Variants in ZNF605 observed in about 807,000 individuals in gnomAD.
ZNF605 encodes zinc finger protein 605.
ZNF605 carries 9 observed loss-of-function variants against 7.9 expected under a neutral mutation model. The ratio of observed to expected loss-of-function variants is 1.14; its 90% CI spans 0.68 to 1.98. The LOEUF is 1.98. Ranked by LOEUF, ZNF605 falls within the 30% of genes most tolerant of loss-of-function variation. The probability of loss-of-function intolerance (pLI) is 0.00; values close to 1 mark genes in which losing one functional copy is unlikely to be tolerated. For missense variants in ZNF605, 673 were observed against 762.4 expected, an observed-to-expected ratio of 0.88 and a Z score of 1.38; for synonymous variants, 255 against 260.1, an observed-to-expected ratio of 0.98 and a Z score of 0.19.
At chr12:132,952,360 T>C (rs1248555536) in intron 1 of ZNF605, among the ~76,000 whole-genome samples, 1 of 150,268 alleles carries the variant, frequency 6.7e-6, no homozygotes, top group Non-Finnish European at 1.5e-5. Flanking sequence ...ACTGGGGGCG[T>C]TGAGGCGGAA....
Position 132,921,907 on chromosome 12 carries a change from CAACTT to C in ZNF605, c.*3461_*3465del. On this transcript the variant is annotated 3_prime_UTR_variant, in exon 5 of 5. Transcript: ENST00000360187. ...GCTGGGCCTCTTTGGCAGTCGACTT[CAACTT>C]AATGCATTAGCGCCGTAAGGTTGTA... 1 of 152,302 alleles carries C rather than the reference CAACTT, an allele frequency of 6.6e-6. No homozygotes were observed. The highest frequency in any genetic ancestry group is 1.5e-5 in the Non-Finnish European group (1 of 68,030). The allele number at this position is 152,302 out of a possible 1,614,324, so 9.4% of individuals were successfully genotyped here.
At chr12:132,929,959 A>G (rs1460242935) in intron 4 of ZNF605, among the ~76,000 whole-genome samples, 1 of 152,258 alleles carries the variant, frequency 6.6e-6, no homozygotes, top group Non-Finnish European at 1.5e-5. Flanking sequence ...AAATAAATAA[A>G]TAAATATGTC....
rs1348252604 is a variant in ZNF605 at position 132,924,576 on chromosome 12, T to A, written c.*797A>T. On this transcript the variant is annotated 3_prime_UTR_variant, in exon 5 of 5. Coordinates refer to ENST00000360187, the MANE Select transcript of ZNF605 (RefSeq NM_183238.4). ...CAACTGCCAGTCCTGTCTCTTCAAT[T>A]CAGCGAGATTTATTGTTTCCCTTCC... 2 of 152,232 alleles carry A rather than the reference T, an allele frequency of 1.3e-5. No homozygotes were observed. The highest frequency in any genetic ancestry group is 2.9e-5 in the Non-Finnish European group (2 of 68,094). 9.4% of individuals were successfully genotyped at this position (152,232 alleles called of 1,614,324 possible).
Position 132,925,322 on chromosome 12 carries a change from A to G in ZNF605, c.*51T>C, listed in dbSNP as rs1341211098. 3 of 1,388,618 alleles carry G rather than the reference A, an allele frequency of 2.2e-6. No homozygotes were observed. The highest frequency in any genetic ancestry group is 2.3e-5 in the Admixed American group (1 of 44,290). 86.0% of individuals were successfully genotyped at this position (1,388,618 alleles called of 1,614,324 possible). On this transcript the variant is annotated 3_prime_UTR_variant, in exon 5 of 5. Coordinates refer to ENST00000360187, the MANE Select transcript of ZNF605 (RefSeq NM_183238.4). ...CCACATGCATCCTCAAAAGTGTCAG[A>G]AAGTATGACACTTGATAGCAACCTT...
Position 132,933,003 on chromosome 12 carries a change from C to A in ZNF605, c.136+32G>T. ...AAACACCTCACAGGCCAGTTACTGG[C>A]CATACACTAAGTTACATAAGAATGT... On this transcript the variant is annotated intron_variant, in intron 4 of 4. Transcript: ENST00000360187. The surrounding 1 kb of genome is among the most constrained non-coding windows in gnomAD (Gnocchi z 4.4). 6.4e-7 allele frequency: 1 copy of A among 1,552,080 alleles called. No individual in the cohort carries two copies. Among genetic ancestry groups the A allele is most frequent in the Non-Finnish European group, 8.7e-7 (1 of 1,147,804 alleles).
At chr12:132,954,566 A>G (rs889229998) in intron 1 of ZNF605, among the ~76,000 whole-genome samples, 9 of 147,704 alleles carry the variant, frequency 6.1e-5, no homozygotes, top group Admixed American at 2.0e-4. Flanking sequence ...CCTCCCCTGT[A>G]ACTGACATTC....
chr12:132,938,954 C>T (rs1344731398), intron 3 of ZNF605, among the ~76,000 whole-genome samples: 24 of 152,054 alleles, frequency 1.6e-4, no homozygotes, highest in Admixed American at 2.6e-4. Flanking sequence ...ACCGGCGCTG[C>T]GCTCGATTTC....
chr12:132,939,159 A>G (rs1445327673), intron 3 of ZNF605, among the ~76,000 whole-genome samples: 1 of 152,134 alleles, frequency 6.6e-6, no homozygotes, highest in Non-Finnish European at 1.5e-5. Context: ...CAGGACTGGC[A>G]GGCAGCTCCA....
At chr12:132,952,737 G>A (rs915376692) in intron 1 of ZNF605, among the ~76,000 whole-genome samples, 4 of 151,894 alleles carry the variant, frequency 2.6e-5, no homozygotes. Flanking sequence ...AAGGCCAACG[G>A]GGTCACTGAG....
At position 132,922,705 on chromosome 12, in the gene ZNF605, C is replaced by G. The variant is rs190922131; in HGVS notation, c.*2668G>C. ...ACCCAACCAGTGGGTTGGGGAAGCACCCAGTAGTAGTTAAGTCTGAAGATC... is the reference window on the plus strand; with the variant it reads ...ACCCAACCAGTGGGTTGGGGAAGCAGCCAGTAGTAGTTAAGTCTGAAGATC... On this transcript the variant is annotated 3_prime_UTR_variant, in exon 5 of 5. Transcript: ENST00000360187. 6 of 152,242 alleles carry G rather than the reference C, an allele frequency of 3.9e-5. No individual in the cohort carries two copies. The highest frequency in any genetic ancestry group is 7.4e-5 in the Non-Finnish European group (5 of 68,026). The allele number at this position is 152,242 out of a possible 1,614,324, so 9.4% of individuals were successfully genotyped here. A position where few individuals can be genotyped will look rare whatever the true frequency, so the allele number is the denominator to read the frequency against.
intron 2 of ZNF605, among the ~76,000 whole-genome samples, chr12:132,947,316 C>T (rs1467400822): frequency 6.9e-6 from 1 of 144,250 alleles, no homozygotes; most frequent in African/African-American, 2.5e-5. Context: ...CGCCCGGCCA[C>T]ATTTTTTTCT....
chr12:132,951,350 TACAC>T (rs1311757467), intron 1 of ZNF605, among the ~76,000 whole-genome samples: 3 of 144,308 alleles, frequency 2.1e-5, no homozygotes, highest in African/African-American at 7.8e-5. Context: ...CACAGACACG[TACAC>T]ACAGATACAC....
At chr12:132,932,817 A>G (rs1952321291) in intron 4 of ZNF605, 1 of 1,531,654 alleles carries the variant, frequency 6.5e-7, no homozygotes, top group African/African-American at 1.4e-5. Context: ...TGTCGATTGG[A>G]AACACAGAGG....
rs146645792 is a variant in ZNF605 at position 132,921,532 on chromosome 12, C to T, written c.*3841G>A. 3 of 152,288 alleles carry T rather than the reference C, an allele frequency of 2.0e-5. No individual in the cohort carries two copies. The East Asian group carries it at 5.8e-4, about 29-fold the overall frequency. 9.4% of individuals were successfully genotyped at this position (152,288 alleles called of 1,614,324 possible). A position where few individuals can be genotyped will look rare whatever the true frequency, so the allele number is the denominator to read the frequency against. ...TAGGAAGAGACAATCACAACTCACA[C>T]AATGCTATATTCAAATTATGCCAAA... On this transcript the variant is annotated 3_prime_UTR_variant, in exon 5 of 5. Transcript: ENST00000360187.
chr12:132,926,403 T>C lies in ZNF605; in HGVS notation c.896A>G (p.His299Arg). 1.2e-6 allele frequency: 2 copies of C among 1,614,202 alleles called. No individual in the cohort carries two copies. The highest frequency in any genetic ancestry group is 1.7e-6 in the Non-Finnish European group (2 of 1,180,034). ...AFSQKLKLIT[H>R]QRAHTGEKPY... ...TTTCTCTCCTGTGTGCGCTCTCTGA[T>C]GTGTGATGAGTTTTAATTTCTGGGA... Residue 299 changes from histidine (H) to arginine (R), a missense_variant, in exon 5 of 5, where the codon CAT becomes CGT. His to Arg is a conservative substitution (Grantham distance 29, BLOSUM62 0). Transcript: ENST00000360187.
rs1952603155 is a variant in ZNF605 at position 132,953,987 on chromosome 12, A to C, written c.-286+2256T>G. Among the ~76,000 whole-genome samples the C allele has an allele frequency of 6.6e-5, 10 of 151,846 alleles. No homozygotes were observed. The South Asian group carries it at 2.1e-3, about 32-fold the overall frequency. On this transcript the variant is annotated intron_variant, in intron 1 of 4. Coordinates refer to ENST00000360187, the MANE Select transcript of ZNF605 (RefSeq NM_183238.4). ...CACTAATACAAACAAGCTCCTTCTC[A>C]CCTGGTTCCAACACCCTCAAATAAC...
rs1952630665 is a variant in ZNF605 at position 132,955,790 on chromosome 12, G to A, written c.-286+453C>T. The stretch of plus-strand genomic sequence containing the variant: ...AAGGCATCCAAATCATTCATCAGCA[G>A]AGTCCTAATCGCTGCAGACAAATCC... On this transcript the variant is annotated intron_variant, in intron 1 of 4. Coordinates refer to ENST00000360187, the MANE Select transcript of ZNF605 (RefSeq NM_183238.4). 2.0e-5 allele frequency among the ~76,000 whole-genome samples: 3 copies of A among 152,134 alleles called. No homozygotes were observed. The South Asian group carries it at 6.2e-4, about 32-fold the overall frequency.
chr12:132,952,798 G>A (rs887240947), intron 1 of ZNF605, among the ~76,000 whole-genome samples: 4 of 152,118 alleles, frequency 2.6e-5, no homozygotes, highest in East Asian at 1.9e-4. Flanking sequence ...ACTGATCAGC[G>A]GTCACAAGCT....
At position 132,925,135 on chromosome 12, in the gene ZNF605, C is replaced by A; in HGVS notation, c.*238G>T. The A allele has an allele frequency of 2.5e-6, 1 of 402,562 alleles. No individual in the cohort carries two copies. The highest frequency in any genetic ancestry group is 4.4e-6 in the Non-Finnish European group (1 of 227,534). The allele number at this position is 402,562 out of a possible 1,614,324, so 24.9% of individuals were successfully genotyped here. ...ATCACAACACTAATAAGGTTTTCAC[C>A]TCAATGAGTCATCCAATATGTAACG... On this transcript the variant is annotated 3_prime_UTR_variant, in exon 5 of 5. Coordinates refer to ENST00000360187, the MANE Select transcript of ZNF605 (RefSeq NM_183238.4).
Sources: gnomAD v4.1 joint callset for allele counts (sites outside exome capture counted in the v4.1 genomes callset) on GRCh38, gnomAD v4.1.1 for gene constraint, Gnocchi (gnomAD v3.1) non-coding constraint, MANE v1.5 for transcripts, NCBI Gene and HGNC (gene_info 2026-07-23, HGNC 2026-07-21) for gene names.